The following SLC5A5 variants were observed in gnomAD, a reference collection of about 807,000 sequenced individuals.
SLC5A5 encodes the protein solute carrier family 5 member 5.
Under a neutral mutation model 68.6 loss-of-function variants are expected in SLC5A5, and 56 were observed. That is an observed-to-expected ratio of 0.82 (90% CI 0.66 to 1.02). SLC5A5 has a LOEUF of 1.02. Among genes scored for constraint, SLC5A5 ranks in the 50% least tolerant of loss-of-function variants. The probability of loss-of-function intolerance (pLI) is 0.00; values close to 1 mark genes in which losing one functional copy is unlikely to be tolerated. For synonymous variants in SLC5A5, 398 were observed against 373.0 expected (o/e 1.07, Z -0.77); for missense variants, 807 against 859.8 (o/e 0.94, Z 0.77).
At chr19:17,881,000 G>A in intron 8 of SLC5A5, 47 bp downstream of exon 8, 3 of 1,418,212 alleles carry the variant, frequency 2.1e-6, no homozygotes, top group Non-Finnish European at 3.0e-6. Flanking sequence ...GCCCCTGGGA[G>A]CCTCCTTATC....
At position 17,872,617 on chromosome 19, in the gene SLC5A5, C is replaced by T. The variant is rs755603799; in HGVS notation, c.298C>T (p.Leu100Phe). 9.9e-6 allele frequency: 16 copies of T among 1,611,926 alleles called. No homozygotes were observed. Among genetic ancestry groups the T allele is most frequent in the Non-Finnish European group, 1.4e-5 (16 of 1,179,804 alleles). Residue 100 changes from leucine (L) to phenylalanine (F), a missense_variant, in exon 1 of 15, where the codon CTC (leucine) becomes TTC (phenylalanine). Leu to Phe is a conservative substitution (Grantham distance 22). Transcript: ENST00000222248. Reference sequence around the variant, plus strand: ...CCTGGGCCAGCTTCTGAACTCGGTCCTCACCGCCCTGCTCTTCATGCCCGT... The same window carrying T: ...CCTGGGCCAGCTTCTGAACTCGGTCTTCACCGCCCTGCTCTTCATGCCCGT... ...MCLGQLLNSV[L>F]TALLFMPVFY...
rs753895022 is a variant in SLC5A5, at chr19:17,878,109, G to A, written c.969+16G>A. ...CCCAGACCAGGTGAGTCCCACCCAGGCTCCTGGTTGGCTCTGCACTCCCTC... is the reference window on the plus strand; with the variant it reads ...CCCAGACCAGGTGAGTCCCACCCAGACTCCTGGTTGGCTCTGCACTCCCTC... On this transcript the variant is annotated intron_variant, in intron 7 of 14. Transcript: ENST00000222248. 3 of 1,608,780 alleles carry A rather than the reference G, an allele frequency of 1.9e-6. No homozygotes were observed. Among genetic ancestry groups the A allele is most frequent in the South Asian group, 1.1e-5 (1 of 91,062 alleles).
chr19:17,892,693 A>AGAGAGAGAGAGAGAGAGG (rs2030230535), intron 14 of SLC5A5, among the ~76,000 whole-genome samples: 1 of 147,348 alleles, frequency 6.8e-6, no homozygotes, highest in Non-Finnish European at 1.5e-5. Flanking sequence ...AGAGAGAGAG[A>AGAGAGAGAGAGAGAGAGG]GAGAGCAAGC....
At chr19:17,892,597 A>G (rs991625032) in intron 14 of SLC5A5, among the ~76,000 whole-genome samples, 4 of 150,458 alleles carry the variant, frequency 2.7e-5, no homozygotes, top group African/African-American at 9.7e-5. Context: ...AGATTGTGCC[A>G]TTGCACTCCA....
Position 17,891,013 on chromosome 19 carries a change from G to T in SLC5A5, c.1767+12G>T. 6.4e-7 allele frequency: 1 copy of T among 1,570,804 alleles called. No homozygotes were observed. Among genetic ancestry groups the T allele is most frequent in the Non-Finnish European group, 8.8e-7 (1 of 1,140,616 alleles). On this transcript the variant is annotated intron_variant, in intron 14 of 14. Transcript: ENST00000222248. ...ACAACTTGGTCAAGGTCAGTCTTAG[G>T]CTGGGTTCCCAGATCTAGAGGCAGC...
chr19:17,893,802 G>A lies in SLC5A5; in HGVS notation c.1857G>A (p.Glu619=), dbSNP rs1341369732. Residue 619 remains glutamate, a synonymous_variant, in exon 15 of 15, where the codon GAG becomes GAA. Coordinates refer to ENST00000222248, the MANE Select transcript of SLC5A5 (RefSeq NM_000453.3). ...GTCTGTTTTTCTTGGGGCAGAAGGA[G>A]CTGGAGGGGGCTGGCTCTTGGACCC... ...EDRLFFLGQK[E]LEGAGSWTPC... is the part of the protein sequence containing the mutation. 3 of 1,608,168 alleles carry A rather than the reference G, an allele frequency of 1.9e-6. No individual in the cohort carries two copies. The highest frequency in any genetic ancestry group is 1.7e-5 in the Admixed American group (1 of 59,304).
chr19:17,879,576 C>T (rs1198771680), intron 7 of SLC5A5, among the ~76,000 whole-genome samples: 1 of 152,042 alleles, frequency 6.6e-6, no homozygotes, highest in Non-Finnish European at 1.5e-5. Context: ...AGTCGGGGGG[C>T]GGTGCCAGGA....
At chr19:17,889,066 C>T (rs951140698) in intron 13 of SLC5A5, among the ~76,000 whole-genome samples, 1 of 149,984 alleles carries the variant, frequency 6.7e-6, no homozygotes, top group Non-Finnish European at 1.5e-5. Context: ...TATATATATA[C>T]ATAAAAGAAA....
rs1476827193 is a variant in SLC5A5, at chr19:17,872,622, C to T, written c.303C>T (p.Thr101=). 1.2e-6 allele frequency: 2 copies of T among 1,611,736 alleles called. No individual in the cohort carries two copies. The highest frequency in any genetic ancestry group is 1.1e-5 in the South Asian group (1 of 91,066). ...GCCAGCTTCTGAACTCGGTCCTCACCGCCCTGCTCTTCATGCCCGTCTTCT... is the reference window on the plus strand; with the variant it reads ...GCCAGCTTCTGAACTCGGTCCTCACTGCCCTGCTCTTCATGCCCGTCTTCT... The part of the protein sequence containing the change: ...CLGQLLNSVL[T]ALLFMPVFYR... The change falls in exon 1 of 15, where the codon ACC becomes ACT. Residue 101 remains threonine, a synonymous_variant. Coordinates refer to ENST00000222248, the MANE Select transcript of SLC5A5 (RefSeq NM_000453.3).
chr19:17,886,968 G>A (rs760667744), intron 12 of SLC5A5, among the ~76,000 whole-genome samples: 1 of 152,044 alleles, frequency 6.6e-6, no homozygotes, highest in Non-Finnish European at 1.5e-5. Context: ...CCAGCTCCTT[G>A]GGAGGCTGAG....
chr19:17,890,770 A>T, intron 13 of SLC5A5, 116 bp from the exon 14 acceptor site: 1 of 781,008 alleles, frequency 1.3e-6, no homozygotes. Context: ...GTGGGACTGG[A>T]GCCTGTTAGA....
chr19:17,874,671 G>T lies in SLC5A5; in HGVS notation c.483G>T (p.Gly161=), dbSNP rs761082674. 3 of 1,614,154 alleles carry T rather than the reference G, an allele frequency of 1.9e-6. No individual in the cohort carries two copies. Among genetic ancestry groups the T allele is most frequent in the Non-Finnish European group, 2.5e-6 (3 of 1,180,028 alleles). ...APALILNQVT[G]LDIWASLLST... ...GGACCTCTTTTTGCATAGTGACCGG[G>T]CTGGACATCTGGGCGTCGCTCCTGT... is the stretch of plus-strand genomic sequence containing the variant. The change falls in exon 4 of 15, where the codon GGG becomes GGT. Residue 161 remains glycine, a synonymous_variant. Transcript: ENST00000222248.
chr19:17,883,811 C>T (rs1039402082), intron 11 of SLC5A5, 39 bp from the exon 12 acceptor site: 2 of 1,606,262 alleles, frequency 1.2e-6, no homozygotes, highest in Non-Finnish European at 1.7e-6. Flanking sequence ...CGGGGCCGGA[C>T]AGGCCCCTCC....
intron 5 of SLC5A5, 103 bp downstream of exon 5, chr19:17,876,209 C>A (rs988352147): frequency 1.6e-6 from 2 of 1,218,374 alleles, no homozygotes; most frequent in Non-Finnish European, 2.4e-6. Flanking sequence ...GCGGGCAGAT[C>A]ACTTGAGCTC....
intron 14 of SLC5A5, among the ~76,000 whole-genome samples, chr19:17,892,467 C>T (rs2030210148): frequency 1.3e-5 from 2 of 151,972 alleles, no homozygotes; most frequent in Non-Finnish European, 2.9e-5. Context: ...GAAACCCCAT[C>T]TCTACTAAAA....
chr19:17,888,510 A>G (rs1193578239), intron 13 of SLC5A5, 55 bp downstream of exon 13: 1 of 1,604,314 alleles, frequency 6.2e-7, no homozygotes, highest in Non-Finnish European at 8.5e-7. Context: ...TCTCTGCCTC[A>G]AGGCTCCACC....
At chr19:17,879,031 G>A (rs1031820700) in intron 7 of SLC5A5, among the ~76,000 whole-genome samples, 9 of 147,758 alleles carry the variant, frequency 6.1e-5, no homozygotes, top group Non-Finnish European at 1.2e-4. Context: ...GGTGGCTTAC[G>A]CCTATAATCT....
At chr19:17,883,791 C>A in intron 11 of SLC5A5, 24 bp downstream of exon 11, 1 of 344,468 alleles carries the variant, frequency 2.9e-6, no homozygotes, top group African/African-American at 2.9e-5. Flanking sequence ...GGGCAAGGGG[C>A]GGGGAGGGGC....
intron 14 of SLC5A5, among the ~76,000 whole-genome samples, chr19:17,891,968 C>G (rs2030189424): frequency 6.6e-6 from 1 of 152,114 alleles, no homozygotes; most frequent in Non-Finnish European, 1.5e-5. Flanking sequence ...TAGGGTCTGT[C>G]TCAGTATGTG....
Sources: gnomAD v4.1 joint callset for allele counts (sites outside exome capture counted in the v4.1 genomes callset) on GRCh38, gnomAD v4.1.1 for gene constraint, MANE v1.5 for transcripts, NCBI Gene and HGNC (gene_info 2026-07-23, HGNC 2026-07-21) for gene names.